Variants in PCDH11X observed in about 807,000 individuals in gnomAD.
The protein encoded by PCDH11X is protocadherin 11 X-linked.
Under a neutral mutation model 53.3 loss-of-function variants are expected in PCDH11X, and 18 were observed. The observed-to-expected ratio is 0.34, with a 90% CI of 0.23 to 0.50. The LOEUF is 0.50. Ranked by LOEUF, PCDH11X falls within the 20% of genes least tolerant of loss-of-function variation. PCDH11X has a pLI of 0.98. For synonymous variants in PCDH11X, 279 were observed against 393.3 expected, an observed-to-expected ratio of 0.71 and a Z score of 3.44; for missense variants, 570 against 1,032.4, an observed-to-expected ratio of 0.55 and a Z score of 6.14.
At chrX:92,403,573 C>G (rs1459891107) in intron 9 of PCDH11X, among the ~76,000 whole-genome samples, 1 of 110,109 alleles carries the variant, frequency 9.1e-6, no homozygotes, top group African/African-American at 3.3e-5. Context: ...AAACAGAAAT[C>G]AGCATGGAGC....
At chrX:92,440,930 C>A (rs2072499322) in intron 9 of PCDH11X, among the ~76,000 whole-genome samples, 1 of 111,252 alleles carries the variant, frequency 9.0e-6, no homozygotes, top group Non-Finnish European at 1.9e-5. Flanking sequence ...ATGGCTTTGA[C>A]TAAAATGCTG....
At chrX:92,264,494 A>G (rs2067782805) in intron 8 of PCDH11X, among the ~76,000 whole-genome samples, 1 of 111,336 alleles carries the variant, frequency 9.0e-6, no homozygotes, top group African/African-American at 3.3e-5. Context: ...GTGTGTGTGT[A>G]TAAAACATGT....
At position 92,142,654 on chromosome X, in the gene PCDH11X, G is replaced by A. The variant is rs73245210; in HGVS notation, c.3034-58721G>A. On this transcript the variant is annotated intron_variant, in intron 6 of 10. Transcript: ENST00000682573. ...CAGCTACTACTTGTGAATTACAGTC[G>A]CACATGCACACACACCCACACACCC... Among the ~76,000 whole-genome samples, 568 of 110,570 alleles carry A rather than the reference G, an allele frequency of 5.1e-3. 1 individual carries two copies. Among genetic ancestry groups the A allele is most frequent in the Non-Finnish European group, 8.4e-3 (445 of 52,861 alleles).
chrX:92,264,125 A>G (rs777651621), intron 8 of PCDH11X, among the ~76,000 whole-genome samples: 7 of 112,321 alleles, frequency 6.2e-5, no homozygotes, highest in Admixed American at 9.5e-5. Flanking sequence ...AGCACTTGCC[A>G]GAGAGTTGTC....
chrX:92,343,468 G>A (rs1243839470), intron 8 of PCDH11X, among the ~76,000 whole-genome samples: 2 of 110,150 alleles, frequency 1.8e-5, no homozygotes, highest in Admixed American at 9.7e-5. Context: ...ACCTGTAGTG[G>A]CATTTTAGGT....
At chrX:92,408,215 GA>G (rs35326702) in intron 9 of PCDH11X, among the ~76,000 whole-genome samples, 1 of 111,001 alleles carries the variant, frequency 9.0e-6, no homozygotes, top group Non-Finnish European at 1.9e-5. Context: ...ATGAATAGAT[GA>G]AAAAATTGTC....
chrX:92,565,095 A>T (rs1191467052), intron 10 of PCDH11X, among the ~76,000 whole-genome samples: 1 of 110,648 alleles, frequency 9.0e-6, no homozygotes, highest in Non-Finnish European at 1.9e-5. Flanking sequence ...AGTTAAAATA[A>T]TTTTTTTTAA....
chrX:92,049,059 C>T (rs1212121662), intron 6 of PCDH11X, among the ~76,000 whole-genome samples: 4 of 110,727 alleles, frequency 3.6e-5, no homozygotes, highest in South Asian at 7.8e-4. Context: ...GTGGAGACCA[C>T]GTTTTACAGT....
chrX:92,378,798 C>A (rs1398192983), intron 8 of PCDH11X, among the ~76,000 whole-genome samples: 1 of 112,025 alleles, frequency 8.9e-6, no homozygotes, highest in East Asian at 2.8e-4. Context: ...AGGGATCTAC[C>A]CTCATGACCT....
chrX:92,263,013 A>C lies in PCDH11X; in HGVS notation c.3115-101A>C, dbSNP rs368264346. 2.1e-4 allele frequency: 10 copies of C among 47,150 alleles called. 1 individual carries two copies. In the South Asian group the frequency reaches 2.6e-3, roughly 12 times the overall value. The allele number at this position is 47,150 out of a possible 1,213,427, so 3.9% of individuals were successfully genotyped here. On this transcript the variant is annotated intron_variant, in intron 7 of 10. Transcript: ENST00000682573. Reference sequence around the variant, plus strand: ...GGGAATGTTGACATGCTTTTTTTTCAAAAAAAAAAAAAATGTATTTGCAGT... The same window carrying C: ...GGGAATGTTGACATGCTTTTTTTTCCAAAAAAAAAAAAATGTATTTGCAGT...
chrX:92,342,307 GA>G (rs1400738453), intron 8 of PCDH11X, among the ~76,000 whole-genome samples: 1 of 109,667 alleles, frequency 9.1e-6, no homozygotes, highest in Admixed American at 9.7e-5. Flanking sequence ...AACAACAAAT[GA>G]AAAAAAGAAA....
intron 10 of PCDH11X, among the ~76,000 whole-genome samples, chrX:92,565,944 T>A (rs1332706334): frequency 3.7e-5 from 4 of 107,361 alleles, no homozygotes; most frequent in Non-Finnish European, 7.7e-5. Context: ...AAATTAAAAA[T>A]TTTGAACAAT....
At chrX:92,160,827 A>G (rs1357811951) in intron 6 of PCDH11X, among the ~76,000 whole-genome samples, 1 of 109,664 alleles carries the variant, frequency 9.1e-6, no homozygotes, top group East Asian at 2.9e-4. Flanking sequence ...TGCATCCATG[A>G]CAACATGTAT....
chrX:92,221,870 C>G (rs67752134), intron 7 of PCDH11X, among the ~76,000 whole-genome samples: 18,131 of 109,012 alleles, frequency 0.17, 1,311 homozygotes, highest in Admixed American at 0.29. Flanking sequence ...GGGTTTTGCT[C>G]TTGTTGCCCA....
At chrX:92,537,135 T>C (rs1479623862) in intron 10 of PCDH11X, among the ~76,000 whole-genome samples, 1 of 111,282 alleles carries the variant, frequency 9.0e-6, no homozygotes, top group Middle Eastern at 4.2e-3. Context: ...TTCTCCCATT[T>C]TGTGAGTTGT....
At chrX:91,812,350 A>G in intron 4 of PCDH11X, among the ~76,000 whole-genome samples, 1 of 110,546 alleles carries the variant, frequency 9.0e-6, no homozygotes, top group East Asian at 2.9e-4. Context: ...GTTCCCTTCT[A>G]TTCCCTCCAT....
chrX:91,815,422 A>G (rs1359029763), intron 4 of PCDH11X, among the ~76,000 whole-genome samples: 2 of 111,803 alleles, frequency 1.8e-5, no homozygotes, highest in Admixed American at 1.9e-4. Context: ...TCATTAAGAC[A>G]ATTGCAAAAA....
At chrX:92,569,209 T>G (rs1443002645) in intron 10 of PCDH11X, among the ~76,000 whole-genome samples, 1 of 109,533 alleles carries the variant, frequency 9.1e-6, no homozygotes, top group Non-Finnish European at 1.9e-5. Context: ...AATTAGCTCT[T>G]TGGCCTTAGA....
intron 10 of PCDH11X, among the ~76,000 whole-genome samples, chrX:92,526,184 A>G (rs1318956865): frequency 9.0e-6 from 1 of 111,182 alleles, no homozygotes; most frequent in Non-Finnish European, 1.9e-5. Context: ...CATTTGGTAT[A>G]TGGTTCCAGT....
Sources: allele counts gnomAD v4.1 joint callset (sites outside exome capture counted in the v4.1 genomes callset), GRCh38; gene constraint gnomAD v4.1.1; transcripts MANE v1.5; gene names NCBI Gene and HGNC (gene_info 2026-07-23, HGNC 2026-07-21).